KCNB2: variants seen among roughly 807,000 people sequenced by gnomAD.
The protein encoded by KCNB2 is potassium voltage-gated channel subfamily B member 2.
KCNB2 carries 15 observed loss-of-function variants against 61.5 expected under a neutral mutation model. The ratio of observed to expected loss-of-function variants is 0.24; its 90% CI spans 0.16 to 0.38. The LOEUF (loss-of-function observed/expected upper bound fraction) is 0.38, where lower values mean the gene tolerates loss of function less well. KCNB2 is among the 10% of genes least tolerant of loss of function. KCNB2 has a pLI of 1.00. For synonymous variants in KCNB2, 457 were observed against 446.0 expected, an observed-to-expected ratio of 1.02 and a Z score of -0.31; for missense variants, 828 against 1,125.2, an observed-to-expected ratio of 0.74 and a Z score of 3.78.
rs555232909 is a variant in KCNB2 at position 72,737,142 on chromosome 8, T to C, written c.579+168829T>C. On this transcript the variant is annotated intron_variant, in intron 2 of 2. Transcript: ENST00000523207. ...TAGTAAAAAATACTCTTTCTCAGGA[T>C]ATTTAAGCATAAAATAAGCTTTGTG... 1.8e-3 allele frequency among the ~76,000 whole-genome samples: 280 copies of C among 152,220 alleles called. 2 individuals carry two copies. Among genetic ancestry groups the C allele is most frequent in the African/African-American group, 6.5e-3 (269 of 41,564 alleles).
At chr8:72,926,431 T>C (rs544415466) in intron 2 of KCNB2, among the ~76,000 whole-genome samples, 57 of 152,218 alleles carry the variant, frequency 3.7e-4, no homozygotes, top group Non-Finnish European at 1.2e-4. Context: ...TTATCATTTC[T>C]TTTTTTTATA....
chr8:72,584,873 AC>A (rs1181288264), intron 2 of KCNB2, among the ~76,000 whole-genome samples: 1 of 151,936 alleles, frequency 6.6e-6, no homozygotes, highest in Admixed American at 6.6e-5. Flanking sequence ...AAAATCAGAA[AC>A]CCTTGCTCCT....
intron 2 of KCNB2, among the ~76,000 whole-genome samples, chr8:72,873,500 G>A (rs1805650200): frequency 6.6e-6 from 1 of 152,238 alleles, no homozygotes; most frequent in South Asian, 2.1e-4. Flanking sequence ...TTACCCCACT[G>A]GGGTGGGATT....
chr8:72,696,006 G>T (rs959959660), intron 2 of KCNB2, among the ~76,000 whole-genome samples: 1 of 152,140 alleles, frequency 6.6e-6, no homozygotes, highest in African/African-American at 2.4e-5. Context: ...CCCATGAACC[G>T]CACTGAGAAA....
At chr8:72,844,263 G>T (rs1171738290) in intron 2 of KCNB2, among the ~76,000 whole-genome samples, 1 of 152,138 alleles carries the variant, frequency 6.6e-6, no homozygotes, top group Non-Finnish European at 1.5e-5. Flanking sequence ...TTGAATATTG[G>T]CCCCCACTCT....
chr8:72,802,953 T>A (rs556614362), intron 2 of KCNB2, among the ~76,000 whole-genome samples: 1 of 152,270 alleles, frequency 6.6e-6, no homozygotes, highest in East Asian at 1.9e-4. Flanking sequence ...TGAAAACTGG[T>A]GTTCAGTGAA....
At chr8:72,659,818 G>A (rs1235013034) in intron 2 of KCNB2, among the ~76,000 whole-genome samples, 1 of 152,168 alleles carries the variant, frequency 6.6e-6, no homozygotes, top group Non-Finnish European at 1.5e-5. Context: ...ATTAAGGCTT[G>A]TACATTTTTT....
chr8:72,667,091 A>T (rs950065191), intron 2 of KCNB2, among the ~76,000 whole-genome samples: 29 of 152,270 alleles, frequency 1.9e-4, no homozygotes, highest in African/African-American at 7.0e-4. Flanking sequence ...CGGGCAAGTT[A>T]TGTAAATTCT....
Position 72,646,707 on chromosome 8 carries a change from G to A in KCNB2, c.579+78394G>A, listed in dbSNP as rs138423842. On this transcript the variant is annotated intron_variant, in intron 2 of 2. Transcript: ENST00000523207. Reference sequence around the variant, plus strand: ...ATTCATAGAGGCAGAACATAGAATGGCGGGTATCAAGGGCTAGGGGCAGTG... The same window carrying A: ...ATTCATAGAGGCAGAACATAGAATGACGGGTATCAAGGGCTAGGGGCAGTG... 1.6e-4 allele frequency among the ~76,000 whole-genome samples: 24 copies of A among 152,216 alleles called. No individual in the cohort carries two copies. The East Asian group carries it at 4.5e-3, about 28-fold the overall frequency.
At chr8:72,749,306 A>C (rs898516295) in intron 2 of KCNB2, 32 of 151,860 alleles carry the variant, frequency 2.1e-4, no homozygotes, top group Non-Finnish European at 3.5e-4. Flanking sequence ...TTTTTAGAAG[A>C]GACGAGGTCT....
intron 2 of KCNB2, among the ~76,000 whole-genome samples, chr8:72,727,420 G>A (rs932236259): frequency 2.0e-5 from 3 of 151,894 alleles, no homozygotes; most frequent in Non-Finnish European, 2.9e-5. Context: ...CTTTTTTGTC[G>A]TACAGCTCAT....
chr8:72,668,119 G>A (rs1363743755), intron 2 of KCNB2, among the ~76,000 whole-genome samples: 1 of 152,208 alleles, frequency 6.6e-6, no homozygotes, highest in Non-Finnish European at 1.5e-5. Context: ...TGAACTTCCA[G>A]TTGCCCTCTT....
chr8:72,916,847 G>A (rs1375758570), intron 2 of KCNB2, among the ~76,000 whole-genome samples: 1 of 152,206 alleles, frequency 6.6e-6, no homozygotes. Context: ...TCCCTCTGAA[G>A]TCAAGCTGCT....
intron 2 of KCNB2, among the ~76,000 whole-genome samples, chr8:72,786,830 G>A (rs923343278): frequency 6.6e-6 from 1 of 152,124 alleles, no homozygotes; most frequent in Non-Finnish European, 1.5e-5. Flanking sequence ...ATTGGAAAAA[G>A]AGACTCTTAA....
chr8:72,816,783 TG>T (rs912060110), intron 2 of KCNB2, among the ~76,000 whole-genome samples: 1 of 152,190 alleles, frequency 6.6e-6, no homozygotes, highest in Non-Finnish European at 1.5e-5. Flanking sequence ...AAATGTTAAT[TG>T]CTCCTTTCCC....
At position 72,884,540 on chromosome 8, in the gene KCNB2, A is replaced by G. The variant is rs550547374; in HGVS notation, c.580-51395A>G. ...AGAAACATCTCCCTACTTTGAGGTC[A>G]TAAATATATTTTCCTGCATTATTTT... is the stretch of plus-strand genomic sequence containing the variant. On this transcript the variant is annotated intron_variant, in intron 2 of 2. Coordinates refer to ENST00000523207, the MANE Select transcript of KCNB2 (RefSeq NM_004770.3). 9.2e-5 allele frequency among the ~76,000 whole-genome samples: 14 copies of G among 152,296 alleles called. No individual in the cohort carries two copies. In the East Asian group the frequency reaches 2.7e-3, roughly 29 times the overall value.
At chr8:72,829,247 G>A (rs1809649152) in intron 2 of KCNB2, among the ~76,000 whole-genome samples, 3 of 152,160 alleles carry the variant, frequency 2.0e-5, no homozygotes, top group Admixed American at 6.5e-5. Flanking sequence ...CAGGACTTAT[G>A]TACATGAAAT....
chr8:72,755,409 CAG>C (rs755258730), intron 2 of KCNB2, among the ~76,000 whole-genome samples: 1 of 152,156 alleles, frequency 6.6e-6, no homozygotes, highest in Non-Finnish European at 1.5e-5. Context: ...ATGTTAATCA[CAG>C]GGGAAACTGA....
At chr8:72,688,620 G>A (rs927241360) in intron 2 of KCNB2, among the ~76,000 whole-genome samples, 1 of 151,914 alleles carries the variant, frequency 6.6e-6, no homozygotes, top group Non-Finnish European at 1.5e-5. Context: ...TGCCTAGCAA[G>A]GTACTTAATA....
Sources: gnomAD v4.1 joint callset for allele counts (sites outside exome capture counted in the v4.1 genomes callset) on GRCh38, gnomAD v4.1.1 for gene constraint, MANE v1.5 for transcripts, NCBI Gene and HGNC (gene_info 2026-07-23, HGNC 2026-07-21) for gene names.